The following GPC5 variants were observed in gnomAD, a reference collection of about 807,000 sequenced individuals.
The protein encoded by GPC5 is glypican 5, also known as glypican-5.
Under a neutral mutation model 53.9 loss-of-function variants are expected in GPC5, and 47 were observed. The observed-to-expected ratio is 0.87, with a 90% CI of 0.69 to 1.11. GPC5 has a LOEUF of 1.11. Among genes scored for constraint, GPC5 ranks in the 50% most tolerant of loss-of-function variants. GPC5 has a pLI of 0.00. For synonymous variants in GPC5, 286 were observed against 263.3 expected (o/e 1.09, Z -0.84); for missense variants, 748 against 713.1 (o/e 1.05, Z -0.56).
At position 92,125,923 on chromosome 13, in the gene GPC5, G is replaced by GTTTTTTTTTTTTTTTTTTTTTTTTTTTTT. The variant is rs1566446337; in HGVS notation, c.1402-18907_1402-18906insTTTTTTTTTTTTTTTTTTTTTTTTTTTTT. Among the ~76,000 whole-genome samples the GTTTTTTTTTTTTTTTTTTTTTTTTTTTTT allele has an allele frequency of 4.8e-5, 2 of 41,536 alleles. 1 individual carries two copies. The allele number at this position is 41,536 out of a possible 152,430, so 27.2% of individuals were successfully genotyped here. A position where few individuals can be genotyped will look rare whatever the true frequency, so the allele number is the denominator to read the frequency against. ...ATTAGAAAGGAAACATTTGTTTTTT[G>GTTTTTTTTTTTTTTTTTTTTTTTTTTTTT]GTTTTTTTTTTTTTTTTTTTTTTTT... On this transcript the variant is annotated intron_variant, in intron 6 of 7. Transcript: ENST00000377067.
intron 7 of GPC5, among the ~76,000 whole-genome samples, chr13:92,230,109 C>T (rs1015528689): frequency 6.6e-6 from 1 of 152,052 alleles, no homozygotes; most frequent in African/African-American, 2.4e-5. Flanking sequence ...TCATCAGGTC[C>T]AGAGCAGATG....
intron 7 of GPC5, among the ~76,000 whole-genome samples, chr13:92,338,118 A>T (rs1009634156): frequency 1.3e-5 from 2 of 152,128 alleles, no homozygotes; most frequent in Non-Finnish European, 2.9e-5. Context: ...ACAATAAGGA[A>T]ACATACAACC....
intron 7 of GPC5, among the ~76,000 whole-genome samples, chr13:92,601,554 C>CAAAA (rs57333686): frequency 1.2e-4 from 8 of 67,358 alleles, no homozygotes; most frequent in African/African-American, 2.1e-4. Context: ...GACTCCATCT[C>CAAAA]AAAAAAAAAA....
chr13:91,424,581 G>C (rs1398065324), intron 1 of GPC5, among the ~76,000 whole-genome samples: 1 of 151,986 alleles, frequency 6.6e-6, no homozygotes, highest in Non-Finnish European at 1.5e-5. Context: ...TGGCCAGGCT[G>C]GTCTTGAATT....
At chr13:91,525,562 T>C (rs1385239143) in intron 2 of GPC5, among the ~76,000 whole-genome samples, 1 of 152,208 alleles carries the variant, frequency 6.6e-6, no homozygotes, top group Non-Finnish European at 1.5e-5. Context: ...ATATACCACC[T>C]CTTTCTGACA....
chr13:92,254,879 G>A (rs2042716720), intron 7 of GPC5, among the ~76,000 whole-genome samples: 1 of 152,108 alleles, frequency 6.6e-6, no homozygotes, highest in African/African-American at 2.4e-5. Flanking sequence ...CCCAGTACAT[G>A]GGGATAATTC....
intron 7 of GPC5, among the ~76,000 whole-genome samples, chr13:92,499,871 A>C (rs1880116919): frequency 6.6e-6 from 1 of 152,198 alleles, no homozygotes; most frequent in African/African-American, 2.4e-5. Flanking sequence ...TTTTACCTAC[A>C]TGCAACTATG....
intron 7 of GPC5, among the ~76,000 whole-genome samples, chr13:92,716,674 G>T (rs1326293977): frequency 6.6e-6 from 1 of 152,088 alleles, no homozygotes; most frequent in Admixed American, 6.6e-5. Flanking sequence ...AAAAGGTAGA[G>T]CTTATAAAGT....
intron 6 of GPC5, among the ~76,000 whole-genome samples, chr13:91,952,187 C>CTATGTG (rs1213909626): frequency 1.0e-5 from 1 of 97,328 alleles, no homozygotes; most frequent in Non-Finnish European, 2.2e-5. Flanking sequence ...CTCTCTCTCT[C>CTATGTG]TCTGTGTGTG....
intron 5 of GPC5, among the ~76,000 whole-genome samples, chr13:91,780,870 A>G (rs139560927): frequency 1.1e-4 from 17 of 152,334 alleles, no homozygotes; most frequent in Middle Eastern, 3.4e-3. Context: ...TCTTGATGAA[A>G]GAAACATATA....
In GPC5 at chr13:92,478,799, C is replaced by T. The variant is rs148423797; in HGVS notation, c.1561+333810C>T. 3.4e-3 allele frequency among the ~76,000 whole-genome samples: 515 copies of T among 152,282 alleles called. 6 individuals are homozygous for T. The highest frequency in any genetic ancestry group is 0.01 in the Middle Eastern group (3 of 294). ...ATCTATCCAGCGGCACTTTGTCCAACGTTGGACCTTCCTAACAGACAAAAA... is the reference window on the plus strand; with the variant it reads ...ATCTATCCAGCGGCACTTTGTCCAATGTTGGACCTTCCTAACAGACAAAAA... On this transcript the variant is annotated intron_variant, in intron 7 of 7. Transcript: ENST00000377067.
chr13:92,339,061 T>C (rs2139245676), intron 7 of GPC5, among the ~76,000 whole-genome samples: 1 of 152,136 alleles, frequency 6.6e-6, no homozygotes, highest in South Asian at 2.1e-4. Context: ...AAAAAATAAG[T>C]ATTAAGTGAT....
At chr13:92,428,717 G>A (rs978771271) in intron 7 of GPC5, among the ~76,000 whole-genome samples, 2 of 152,084 alleles carry the variant, frequency 1.3e-5, no homozygotes, top group African/African-American at 4.8e-5. Flanking sequence ...TCATGCACAA[G>A]GCCTGACACC....
intron 7 of GPC5, among the ~76,000 whole-genome samples, chr13:92,540,102 A>T (rs1284768592): frequency 6.6e-6 from 1 of 151,964 alleles, no homozygotes; most frequent in Non-Finnish European, 1.5e-5. Flanking sequence ...GGGCCTTTCC[A>T]CATTTGATTT....
At chr13:91,881,344 T>C (rs1223623668) in intron 5 of GPC5, among the ~76,000 whole-genome samples, 2 of 152,096 alleles carry the variant, frequency 1.3e-5, no homozygotes, top group African/African-American at 2.4e-5. Flanking sequence ...TTTATTTCCT[T>C]CCATATACTC....
chr13:91,455,043 C>T (rs1881442905), intron 2 of GPC5, among the ~76,000 whole-genome samples: 1 of 152,018 alleles, frequency 6.6e-6, no homozygotes, highest in Non-Finnish European at 1.5e-5. Context: ...TCTATCTATC[C>T]ATCCCTTTTA....
chr13:91,870,218 A>G (rs1018583544), intron 5 of GPC5, among the ~76,000 whole-genome samples: 7 of 152,150 alleles, frequency 4.6e-5, no homozygotes, highest in Non-Finnish European at 1.0e-4. Flanking sequence ...TCTAAAGATG[A>G]AGAACTCCCT....
chr13:92,311,568 G>A (rs143178264), intron 7 of GPC5, among the ~76,000 whole-genome samples: 7 of 152,280 alleles, frequency 4.6e-5, no homozygotes, highest in Middle Eastern at 6.8e-3. Context: ...CATGGCTGGG[G>A]AGGCCTCACA....
At chr13:92,028,422 C>T (rs906584537) in intron 6 of GPC5, among the ~76,000 whole-genome samples, 1 of 152,064 alleles carries the variant, frequency 6.6e-6, no homozygotes, top group African/African-American at 2.4e-5. Context: ...TAGGGAAGGA[C>T]AAAGTAGTTC....
Sources: allele counts gnomAD v4.1 joint callset (sites outside exome capture counted in the v4.1 genomes callset), GRCh38; gene constraint gnomAD v4.1.1; transcripts MANE v1.5; gene names NCBI Gene and HGNC (gene_info 2026-07-23, HGNC 2026-07-21).